EFNA5: variants seen among roughly 807,000 people sequenced by gnomAD.
EFNA5 encodes ephrin A5, also known as ephrin-A5.
Under a neutral mutation model 22.9 loss-of-function variants are expected in EFNA5, and 5 were observed. That is an observed-to-expected ratio of 0.22 (90% confidence interval 0.11 to 0.46). The LOEUF (loss-of-function observed/expected upper bound fraction) is 0.46, where lower values mean the gene tolerates loss of function less well. Ranked by LOEUF, EFNA5 falls within the 20% of genes least tolerant of loss-of-function variation. The pLI is 0.99. For synonymous variants in EFNA5, 113 were observed against 112.2 expected, an observed-to-expected ratio of 1.01 and a Z score of -0.04; for missense variants, 237 against 293.3, an observed-to-expected ratio of 0.81 and a Z score of 1.40.
intron 1 of EFNA5, among the ~76,000 whole-genome samples, chr5:107,531,681 CA>C (rs1288033231): frequency 6.6e-6 from 1 of 152,178 alleles, no homozygotes; most frequent in Non-Finnish European, 1.5e-5. Context: ...TTTTATTCCC[CA>C]ACCTTACAAA....
intron 4 of EFNA5, among the ~76,000 whole-genome samples, chr5:107,386,702 C>T (rs183566525): frequency 6.6e-6 from 1 of 152,100 alleles, no homozygotes. Context: ...TTACTATTGA[C>T]AATAGCAAAA....
intron 1 of EFNA5, among the ~76,000 whole-genome samples, chr5:107,573,129 G>A (rs1030977039): frequency 3.3e-5 from 5 of 152,088 alleles, no homozygotes; most frequent in African/African-American, 1.2e-4. Context: ...TCTGCCCTTA[G>A]TCTCAGTGAG....
chr5:107,418,013 G>A (rs778980029), intron 2 of EFNA5, among the ~76,000 whole-genome samples: 11 of 152,154 alleles, frequency 7.2e-5, no homozygotes, highest in Non-Finnish European at 1.5e-4. Flanking sequence ...CTGTGTGTAT[G>A]TATCTTGTGG....
At chr5:107,504,252 C>T (rs1220717331) in intron 1 of EFNA5, among the ~76,000 whole-genome samples, 2 of 152,126 alleles carry the variant, frequency 1.3e-5, no homozygotes, top group African/African-American at 4.8e-5. Context: ...TACAGACTGA[C>T]AAGGGCTAAA....
intron 1 of EFNA5, among the ~76,000 whole-genome samples, chr5:107,442,894 G>A (rs1183068011): frequency 3.9e-5 from 3 of 77,590 alleles, no homozygotes; most frequent in Admixed American, 1.8e-4. Context: ...AGAATTTCTA[G>A]AAAACTTCCC....
chr5:107,532,922 G>A (rs1012952906), intron 1 of EFNA5, among the ~76,000 whole-genome samples: 14 of 152,224 alleles, frequency 9.2e-5, no homozygotes, highest in African/African-American at 2.4e-4. Flanking sequence ...CTATTCCCCC[G>A]GGTCTCCAGG....
In EFNA5 at chr5:107,594,931, G is replaced by A. The variant is rs145504678; in HGVS notation, c.125+75558C>T. Among the ~76,000 whole-genome samples, 450 of 152,256 alleles carry A rather than the reference G, an allele frequency of 3.0e-3. 1 individual carries two copies. Among genetic ancestry groups the A allele is most frequent in the Non-Finnish European group, 5.3e-3 (362 of 68,024 alleles). ...AAGCAGACCTTCTGGCCAAAACAGC[G>A]GCTAAGTGGGTGTGCCACTTTTTTT... On this transcript the variant is annotated intron_variant, in intron 1 of 4. Coordinates refer to ENST00000333274, the MANE Select transcript of EFNA5 (RefSeq NM_001962.3).
chr5:107,384,768 ATTTTT>A (rs61305329), intron 4 of EFNA5, among the ~76,000 whole-genome samples: 12 of 92,802 alleles, frequency 1.3e-4, no homozygotes, highest in Non-Finnish European at 1.3e-4. Context: ...CACACACCAC[ATTTTT>A]TTTTTTTTTT....
rs1554069066 is a variant in EFNA5 at position 107,606,582 on chromosome 5, C to CACAG, written c.125+63906_125+63907insCTGT. 6.5e-3 allele frequency among the ~76,000 whole-genome samples: 936 copies of CACAG among 143,530 alleles called. 9 individuals are homozygous for CACAG. The highest frequency in any genetic ancestry group is 0.023 in the African/African-American group (895 of 39,180). 94.2% of individuals were successfully genotyped at this position (143,530 alleles called of 152,430 possible). On this transcript the variant is annotated intron_variant, in intron 1 of 4. Transcript: ENST00000333274. ...ACACACACACACACACACACACACA[C>CACAG]AGAGCTAGTAATGCGGTATAGCAGA...
chr5:107,390,495 TAAAGAA>T (rs908845751), intron 2 of EFNA5, among the ~76,000 whole-genome samples: 1 of 152,030 alleles, frequency 6.6e-6, no homozygotes, highest in Admixed American at 6.6e-5. Flanking sequence ...AATAAACTTA[TAAAGAA>T]AATCTCAGGA....
At chr5:107,417,088 T>C (rs904021363) in intron 2 of EFNA5, among the ~76,000 whole-genome samples, 3 of 152,150 alleles carry the variant, frequency 2.0e-5, no homozygotes, top group Non-Finnish European at 2.9e-5. Flanking sequence ...AAAAACAATA[T>C]ACATTCTTCT....
intron 1 of EFNA5, among the ~76,000 whole-genome samples, chr5:107,449,148 T>G (rs1465279086): frequency 6.6e-6 from 1 of 152,174 alleles, no homozygotes; most frequent in Non-Finnish European, 1.5e-5. Flanking sequence ...GTGACTGAAT[T>G]ATTTCAGAAG....
At chr5:107,639,925 A>G (rs1331747414) in intron 1 of EFNA5, among the ~76,000 whole-genome samples, 3 of 152,234 alleles carry the variant, frequency 2.0e-5, no homozygotes. Flanking sequence ...CTAAAATATA[A>G]GAAAAGCTTT....
At chr5:107,450,137 C>T (rs565322631) in intron 1 of EFNA5, among the ~76,000 whole-genome samples, 1 of 152,236 alleles carries the variant, frequency 6.6e-6, no homozygotes, top group African/African-American at 2.4e-5. Flanking sequence ...CCTCGACTTC[C>T]ACATGAGAAG....
Position 107,406,009 on chromosome 5 carries a change from TATATACATA to T in EFNA5, c.419-18247_419-18239del, listed in dbSNP as rs1357030074. ...TATTTGTATACATATTCTATGTATT[TATATACATA>T]GAATGTATAAAAATACCTATATTTG... On this transcript the variant is annotated intron_variant, in intron 2 of 4. Transcript: ENST00000333274. Among the ~76,000 whole-genome samples, 277 of 90,990 alleles carry T rather than the reference TATATACATA, an allele frequency of 3.0e-3. 24 individuals carry two copies. Among genetic ancestry groups the T allele is most frequent in the African/African-American group, 9.7e-3 (255 of 26,398 alleles). 59.7% of individuals were successfully genotyped at this position (90,990 alleles called of 152,430 possible).
At chr5:107,533,909 C>T (rs528722329) in intron 1 of EFNA5, among the ~76,000 whole-genome samples, 7 of 152,142 alleles carry the variant, frequency 4.6e-5, no homozygotes, top group Non-Finnish European at 8.8e-5. Context: ...CTGGAACTGC[C>T]GTGAGAGCCT....
At chr5:107,494,237 G>A (rs1746899156) in intron 1 of EFNA5, among the ~76,000 whole-genome samples, 1 of 152,140 alleles carries the variant, frequency 6.6e-6, no homozygotes, top group East Asian at 1.9e-4. Context: ...AGCTTGCAGG[G>A]AGGTGTGGAG....
At chr5:107,581,952 G>A (rs2112495239) in intron 1 of EFNA5, among the ~76,000 whole-genome samples, 1 of 152,136 alleles carries the variant, frequency 6.6e-6, no homozygotes, top group East Asian at 1.9e-4. Flanking sequence ...AAGAAAATCA[G>A]AGACAGAAAG....
intron 1 of EFNA5, among the ~76,000 whole-genome samples, chr5:107,647,271 T>C (rs144111586): frequency 6.6e-6 from 1 of 152,288 alleles, no homozygotes; most frequent in East Asian, 1.9e-4. Context: ...AATATGTAGC[T>C]ACTATATACA....
Sources: allele counts gnomAD v4.1 joint callset (sites outside exome capture counted in the v4.1 genomes callset), GRCh38; gene constraint gnomAD v4.1.1; transcripts MANE v1.5; gene names NCBI Gene and HGNC (gene_info 2026-07-23, HGNC 2026-07-21).